ARHGEF33: variants seen among roughly 807,000 people sequenced by gnomAD.
ARHGEF33 encodes Rho guanine nucleotide exchange factor 33.
Under a neutral mutation model 101.9 loss-of-function variants are expected in ARHGEF33, and 72 were observed. That is an observed-to-expected ratio of 0.71 (90% CI 0.58 to 0.86). The LOEUF (loss-of-function observed/expected upper bound fraction) is 0.86. ARHGEF33 is among the 40% of genes least tolerant of loss of function. The pLI is 0.00. For synonymous variants in ARHGEF33, 499 were observed against 442.5 expected, an observed-to-expected ratio of 1.13 and a Z score of -1.60; for missense variants, 1,169 against 1,111.3, an observed-to-expected ratio of 1.05 and a Z score of -0.74.
chr2:38,969,457 G>A (rs1016806194), intron 17 of ARHGEF33: 2 of 169,264 alleles, frequency 1.2e-5, no homozygotes, highest in African/African-American at 4.8e-5. Flanking sequence ...TCGGGATGAA[G>A]CTAGGCATGG....
intron 17 of ARHGEF33, among the ~76,000 whole-genome samples, chr2:38,968,628 A>C (rs1321888030): frequency 6.6e-6 from 1 of 152,216 alleles, no homozygotes; most frequent in Admixed American, 6.5e-5. Flanking sequence ...GGATTCCCTT[A>C]GTCCTCTTGT....
chr2:38,951,894 C>G (rs1014539331), intron 11 of ARHGEF33, among the ~76,000 whole-genome samples: 1 of 152,114 alleles, frequency 6.6e-6, no homozygotes, highest in Admixed American at 6.6e-5. Flanking sequence ...ATGATCCAAG[C>G]CAGAGGCTGC....
chr2:38,906,249 G>C (rs1049178814), intron 2 of ARHGEF33, among the ~76,000 whole-genome samples: 3 of 151,896 alleles, frequency 2.0e-5, no homozygotes, highest in Admixed American at 2.0e-4. Flanking sequence ...AACTATCTGG[G>C]ACAAAGGAGA....
chr2:38,973,862 T>A lies in ARHGEF33; in HGVS notation c.*19T>A. 1 of 1,537,374 alleles carries A rather than the reference T, an allele frequency of 6.5e-7. No individual in the cohort carries two copies. Among genetic ancestry groups the A allele is most frequent in the Non-Finnish European group, 8.8e-7 (1 of 1,140,446 alleles). ...TGTGTAAAACATACTTAAAGTTGTATTGTCAAGTGGTAAGATGAGGATAAA... is the reference window on the plus strand; with the variant it reads ...TGTGTAAAACATACTTAAAGTTGTAATGTCAAGTGGTAAGATGAGGATAAA... On this transcript the variant is annotated 3_prime_UTR_variant, in exon 18 of 18. Coordinates refer to ENST00000409978, the MANE Select transcript of ARHGEF33 (RefSeq NM_001145451.5).
In ARHGEF33 at chr2:38,960,564, C is replaced by T. The variant is rs371309714; in HGVS notation, c.2259C>T (p.Ala753=). The change falls in exon 16 of 18, where the codon GCC becomes GCT. Residue 753 remains alanine, a synonymous_variant. Coordinates refer to ENST00000409978, the MANE Select transcript of ARHGEF33 (RefSeq NM_001145451.5). ...AAQAHGPAAA[A]VAARGASRTF... is the part of the protein sequence containing the mutation. ...AGGCGCACGGCCCGGCCGCCGCCGC[C>T]GTCGCCGCCCGCGGCGCATCCAGGA... 2.4e-6 allele frequency: 3 copies of T among 1,273,178 alleles called. No individual in the cohort carries two copies. Among genetic ancestry groups the T allele is most frequent in the South Asian group, 3.7e-5 (2 of 54,358 alleles). 78.9% of individuals were successfully genotyped at this position (1,273,178 alleles called of 1,614,324 possible).
chr2:38,928,782 C>T (rs931681008), intron 4 of ARHGEF33, 125 bp from the exon 5 acceptor site: 2 of 834,908 alleles, frequency 2.4e-6, no homozygotes, highest in Non-Finnish European at 3.7e-6. Flanking sequence ...GTGAAGTACA[C>T]TAGTAAATGA....
Position 38,919,478 on chromosome 2 carries a change from A to G in ARHGEF33, c.25+6A>G. On this transcript the variant is annotated splice_donor_region_variant and intron_variant, in intron 3 of 17. Coordinates refer to ENST00000409978, the MANE Select transcript of ARHGEF33 (RefSeq NM_001145451.5). Reference sequence around the variant, plus strand: ...AAAAACCAAAACAAAGCAAGGTCAGATTTTTCCTATGTCTTGCTTTAGGAC... The same window carrying G: ...AAAAACCAAAACAAAGCAAGGTCAGGTTTTTCCTATGTCTTGCTTTAGGAC... The G allele has an allele frequency of 6.4e-7, 1 of 1,551,700 alleles. No individual in the cohort carries two copies. The highest frequency in any genetic ancestry group is 8.7e-7 in the Non-Finnish European group (1 of 1,146,876).
chr2:38,965,937 G>A (rs904096728), intron 16 of ARHGEF33, 69 bp from the exon 17 acceptor site: 1 of 1,521,618 alleles, frequency 6.6e-7, no homozygotes, highest in Admixed American at 2.1e-5. Context: ...CCACAAAATT[G>A]TCCCATAGTC....
At chr2:38,920,468 C>T (rs1200553431) in intron 3 of ARHGEF33, among the ~76,000 whole-genome samples, 1 of 140,816 alleles carries the variant, frequency 7.1e-6, no homozygotes, top group Non-Finnish European at 1.5e-5. Context: ...AACGCAATGG[C>T]ACGATCTCAA....
chr2:38,905,240 A>G (rs1280798460), intron 2 of ARHGEF33, among the ~76,000 whole-genome samples: 1 of 152,218 alleles, frequency 6.6e-6, no homozygotes, highest in Non-Finnish European at 1.5e-5. Context: ...ACTAAAACAT[A>G]GGTAAAACTG....
chr2:38,940,675 G>T (rs1297319703), intron 9 of ARHGEF33, among the ~76,000 whole-genome samples: 1 of 152,008 alleles, frequency 6.6e-6, no homozygotes, highest in South Asian at 2.1e-4. Flanking sequence ...TCACTTGGCG[G>T]GTCCTTCTTG....
At chr2:38,959,796 C>T (rs982301243) in intron 15 of ARHGEF33, 45 bp from the exon 16 acceptor site, 11 of 1,483,752 alleles carry the variant, frequency 7.4e-6, no homozygotes, top group Non-Finnish European at 9.9e-6. Context: ...CCTGCACTAA[C>T]CGGCCGTAAG....
intron 2 of ARHGEF33, among the ~76,000 whole-genome samples, chr2:38,912,561 A>T (rs1041644813): frequency 9.9e-5 from 15 of 152,216 alleles, no homozygotes; most frequent in African/African-American, 3.6e-4. Flanking sequence ...AAATGTCCTA[A>T]ATATGAAGAA....
In ARHGEF33 at chr2:38,973,716, C is replaced by G. The variant is rs1275603385; in HGVS notation, c.2486C>G (p.Ser829Cys). 3 of 1,529,682 alleles carry G rather than the reference C, an allele frequency of 2.0e-6. No homozygotes were observed. Among genetic ancestry groups the G allele is most frequent in the Non-Finnish European group, 1.8e-6 (2 of 1,136,850 alleles). 94.8% of individuals were successfully genotyped at this position (1,529,682 alleles called of 1,614,324 possible). A position where few individuals can be genotyped will look rare whatever the true frequency, so the allele number is the denominator to read the frequency against. The change falls in exon 18 of 18, where the codon TCC becomes TGC. Residue 829 changes from serine to cysteine, a missense_variant and splice_region_variant. By Grantham distance (112) the Ser-to-Cys change is moderately radical (BLOSUM62 -1). Coordinates refer to ENST00000409978, the MANE Select transcript of ARHGEF33 (RefSeq NM_001145451.5). ...TTATCTGTGTGCTGAGATTTTAGGT[C>G]CAGTGGATCAGAATACAGGGAAAAA... ...SSFRKLFKKK[S>C]SGSEYREKTN...
At chr2:38,946,788 G>A (rs1667462741) in intron 10 of ARHGEF33, among the ~76,000 whole-genome samples, 1 of 152,094 alleles carries the variant, frequency 6.6e-6, no homozygotes, top group Non-Finnish European at 1.5e-5. Flanking sequence ...ACCATGCCTA[G>A]CTAATTTTTA....
At chr2:38,926,332 C>G (rs1318698719) in intron 4 of ARHGEF33, among the ~76,000 whole-genome samples, 2 of 152,142 alleles carry the variant, frequency 1.3e-5, no homozygotes, top group Non-Finnish European at 2.9e-5. Flanking sequence ...GAAGAGAGAG[C>G]AGAAAAAAGA....
intron 17 of ARHGEF33, among the ~76,000 whole-genome samples, chr2:38,972,755 C>T (rs1457300777): frequency 6.6e-6 from 1 of 152,094 alleles, no homozygotes. Flanking sequence ...ACTCGGAGGC[C>T]CTGGATCCTT....
intron 16 of ARHGEF33, among the ~76,000 whole-genome samples, chr2:38,965,081 T>C (rs1668024618): frequency 6.6e-6 from 1 of 152,140 alleles, no homozygotes; most frequent in Admixed American, 6.5e-5. Flanking sequence ...AACACTTTGC[T>C]TCTCTGTCAG....
chr2:38,915,764 T>C (rs1048602114), intron 2 of ARHGEF33, among the ~76,000 whole-genome samples: 1 of 152,206 alleles, frequency 6.6e-6, no homozygotes, highest in African/African-American at 2.4e-5. Flanking sequence ...TGGTGGCTCA[T>C]GCCTGTAATC....
Sources: gnomAD v4.1 joint callset for allele counts (sites outside exome capture counted in the v4.1 genomes callset) on GRCh38, gnomAD v4.1.1 for gene constraint, MANE v1.5 for transcripts, NCBI Gene and HGNC (gene_info 2026-07-23, HGNC 2026-07-21) for gene names.